OR9Q1: variants seen among roughly 807,000 people sequenced by gnomAD.
OR9Q1 encodes the protein olfactory receptor 9Q1.
For synonymous variants in OR9Q1, 153 were observed against 148.6 expected, an observed-to-expected ratio of 1.03 and a Z score of -0.22; for missense variants, 374 against 378.8, an observed-to-expected ratio of 0.99 and a Z score of 0.11.
chr11:58,118,828 A>T, intron 2 of OR9Q1: 1 of 1,614,084 alleles, frequency 6.2e-7, no homozygotes, highest in Non-Finnish European at 8.5e-7. Flanking sequence ...GGCCAAAATC[A>T]CAAAATTGCC....
intron 1 of OR9Q1, among the ~76,000 whole-genome samples, chr11:58,027,537 G>A (rs1852987486): frequency 6.6e-6 from 1 of 152,032 alleles, no homozygotes; most frequent in African/African-American, 2.4e-5. Flanking sequence ...GGCTCATAAA[G>A]CTTAAACTAT....
intron 1 of OR9Q1, chr11:58,047,268 G>A (rs1317429274): frequency 6.6e-6 from 1 of 152,210 alleles, no homozygotes; most frequent in Non-Finnish European, 1.5e-5. Context: ...TGGAGCTTGG[G>A]ATGTGAGAGG....
intron 2 of OR9Q1, among the ~76,000 whole-genome samples, chr11:58,059,298 G>A (rs566205507): frequency 1.5e-3 from 222 of 152,148 alleles, no homozygotes; most frequent in Non-Finnish European, 2.7e-3. Flanking sequence ...GAAAGATAAA[G>A]GCTCAAGTGA....
At chr11:58,085,723 A>G (rs2120052490) in intron 2 of OR9Q1, among the ~76,000 whole-genome samples, 1 of 151,974 alleles carries the variant, frequency 6.6e-6, no homozygotes, top group African/African-American at 2.4e-5. Flanking sequence ...GATAAATATA[A>G]AACTAATAAT....
chr11:58,086,033 C>T (rs770493078), intron 2 of OR9Q1, among the ~76,000 whole-genome samples: 13 of 151,992 alleles, frequency 8.6e-5, no homozygotes, highest in Middle Eastern at 3.4e-3. Flanking sequence ...TTACCAAGAG[C>T]TTCAGGAGGA....
Position 58,047,151 on chromosome 11 carries a change from G to A in OR9Q1, c.-92-8719G>A, listed in dbSNP as rs1853225140. On this transcript the variant is annotated intron_variant, in intron 1 of 2. Coordinates refer to ENST00000335397, the MANE Select transcript of OR9Q1 (RefSeq NM_001005212.4). ...CAAGGTCCCTAATTTTGGGAGCCAG[G>A]GAGTTTGGAAGGTTTTATTTACTGA... is the stretch of plus-strand genomic sequence containing the variant. 2.6e-5 allele frequency: 4 copies of A among 152,158 alleles called. No homozygotes were observed. The South Asian group carries it at 8.3e-4, about 32-fold the overall frequency. 9.4% of individuals were successfully genotyped at this position (152,158 alleles called of 1,614,324 possible).
intron 2 of OR9Q1, among the ~76,000 whole-genome samples, chr11:58,159,645 A>G (rs1854439729): frequency 6.6e-6 from 1 of 152,216 alleles, no homozygotes; most frequent in Non-Finnish European, 1.5e-5. Context: ...AAGAATTGAC[A>G]AAAGAGAATT....
intron 2 of OR9Q1, among the ~76,000 whole-genome samples, chr11:58,076,746 C>A (rs2120031821): frequency 6.6e-6 from 1 of 152,274 alleles, no homozygotes; most frequent in East Asian, 1.9e-4. Flanking sequence ...CTTGGCCTCC[C>A]AAAGTGCTGG....
At chr11:58,162,753 G>A (rs1275899717) in intron 2 of OR9Q1, among the ~76,000 whole-genome samples, 2 of 152,166 alleles carry the variant, frequency 1.3e-5, no homozygotes, top group African/African-American at 4.8e-5. Context: ...AAGTTGGTGG[G>A]TGTCAGGTGA....
intron 2 of OR9Q1, among the ~76,000 whole-genome samples, chr11:58,137,404 C>T (rs1011546871): frequency 1.3e-5 from 2 of 152,056 alleles, no homozygotes; most frequent in Non-Finnish European, 2.9e-5. Flanking sequence ...TCTCTTCTAC[C>T]CTCCCATCCC....
At chr11:58,040,307 G>A (rs7130488) in intron 1 of OR9Q1, among the ~76,000 whole-genome samples, 39,848 of 151,914 alleles carry the variant, frequency 0.26, 5,755 homozygotes, top group East Asian at 0.6. Context: ...ACAACAACCC[G>A]AAGATGAAGT....
intron 2 of OR9Q1, among the ~76,000 whole-genome samples, chr11:58,089,954 T>C (rs1478748395): frequency 6.6e-6 from 1 of 152,042 alleles, no homozygotes; most frequent in Non-Finnish European, 1.5e-5. Flanking sequence ...GTTTGTCTAT[T>C]ATTTGTGCAT....
chr11:58,121,854 A>T (rs1854035919), intron 2 of OR9Q1, among the ~76,000 whole-genome samples: 1 of 152,108 alleles, frequency 6.6e-6, no homozygotes, highest in Non-Finnish European at 1.5e-5. Context: ...TATATCCATA[A>T]ATGTCTGTGA....
chr11:58,176,721 C>T (rs935991287), intron 2 of OR9Q1, among the ~76,000 whole-genome samples: 1 of 152,122 alleles, frequency 6.6e-6, no homozygotes, highest in African/African-American at 2.4e-5. Context: ...TATTGATGCA[C>T]ACATTGTGTG....
At chr11:58,144,555 CTCT>C (rs1405967893) in intron 2 of OR9Q1, 4 of 152,152 alleles carry the variant, frequency 2.6e-5, no homozygotes, top group South Asian at 4.2e-4. Context: ...GCAGATAGGT[CTCT>C]TCTTTGTGTT....
chr11:58,110,787 A>T (rs1209295915), intron 2 of OR9Q1, among the ~76,000 whole-genome samples: 1 of 152,186 alleles, frequency 6.6e-6, no homozygotes, highest in African/African-American at 2.4e-5. Flanking sequence ...TTTTCTATAG[A>T]AATCAGGCTG....
At chr11:58,039,281 G>A (rs772798917) in intron 1 of OR9Q1, among the ~76,000 whole-genome samples, 5 of 152,188 alleles carry the variant, frequency 3.3e-5, no homozygotes, top group East Asian at 3.8e-4. Context: ...GAGCCACTGC[G>A]CCCGGCCTAA....
intron 2 of OR9Q1, chr11:58,145,380 C>T (rs964986892): frequency 6.6e-6 from 1 of 152,426 alleles, no homozygotes; most frequent in African/African-American, 2.4e-5. Flanking sequence ...GAAAGAGGCT[C>T]TGAAGAAAGT....
chr11:58,088,182 T>TG (rs1289410234), intron 2 of OR9Q1, among the ~76,000 whole-genome samples: 3 of 151,948 alleles, frequency 2.0e-5, no homozygotes, highest in Non-Finnish European at 4.4e-5. Context: ...TAGTATTCCA[T>TG]GGGGTATATG....
Sources: allele counts gnomAD v4.1 joint callset (sites outside exome capture counted in the v4.1 genomes callset), GRCh38; gene constraint gnomAD v4.1.1; transcripts MANE v1.5; gene names NCBI Gene and HGNC (gene_info 2026-07-23, HGNC 2026-07-21).